The following BLTP1 variants were observed in gnomAD, a reference collection of about 807,000 sequenced individuals.
BLTP1 encodes the protein bridge-like lipid transfer protein family member 1, also known as fragile site-associated protein.
chr4:122,337,497 CT>C, the BLTP1 span, among the ~76,000 whole-genome samples: 1 of 152,106 alleles, frequency 6.6e-6, no homozygotes, highest in Non-Finnish European at 1.5e-5. Flanking sequence ...ATGTGTATCA[CT>C]TTCGCCCAGC....
the BLTP1 span, among the ~76,000 whole-genome samples, chr4:122,218,617 A>G: frequency 1.3e-5 from 2 of 152,244 alleles, no homozygotes; most frequent in African/African-American, 2.4e-5. Context: ...TATGCTGACA[A>G]TGTTAACAGG....
the BLTP1 span, among the ~76,000 whole-genome samples, chr4:122,285,488 AT>A: frequency 6.6e-6 from 1 of 152,148 alleles, no homozygotes; most frequent in Non-Finnish European, 1.5e-5. Context: ...CAGGGCAGTC[AT>A]GACTCATCTG....
At chr4:122,157,692 C>T in the BLTP1 span, among the ~76,000 whole-genome samples, 1 of 152,064 alleles carries the variant, frequency 6.6e-6, no homozygotes, top group Non-Finnish European at 1.5e-5. Context: ...TCTAGGGGCT[C>T]AACTGGGGCT....
the BLTP1 span, chr4:122,224,494 T>A: frequency 3.7e-6 from 6 of 1,609,098 alleles, no homozygotes; most frequent in Non-Finnish European, 5.1e-6. Context: ...ATTATTGTTT[T>A]CAGCAGCGAC....
chr4:122,348,517 T>C, the BLTP1 span: 8 of 1,480,190 alleles, frequency 5.4e-6, no homozygotes, highest in East Asian at 2.4e-5. Context: ...GCTTTGTAAC[T>C]AGCTTGGCAT....
the BLTP1 span, chr4:122,351,243 T>C: frequency 3.3e-6 from 3 of 910,390 alleles, no homozygotes; most frequent in Non-Finnish European, 3.9e-6. Context: ...TACGTATACA[T>C]TGAAAAAAAC....
the BLTP1 span, chr4:122,277,826 A>G: frequency 1.5e-6 from 1 of 675,434 alleles, no homozygotes; most frequent in Non-Finnish European, 1.8e-6. Context: ...TTCTTTTCAT[A>G]TTTAATGTCT....
the BLTP1 span, chr4:122,289,844 G>C: frequency 5.6e-5 from 53 of 953,976 alleles, no homozygotes; most frequent in South Asian, 2.4e-3. Context: ...GAAGTATCTA[G>C]GTATTCACTT....
the BLTP1 span, chr4:122,289,317 A>G: frequency 1.2e-6 from 1 of 815,962 alleles, no homozygotes; most frequent in Non-Finnish European, 1.8e-6. Context: ...AATAACTCCT[A>G]AGAAACTGTG....
the BLTP1 span, chr4:122,207,909 C>T: frequency 3.0e-6 from 3 of 983,938 alleles, no homozygotes; most frequent in African/African-American, 5.2e-5. Context: ...TGTATGTTAG[C>T]CCTTCTAGCT....
chr4:122,307,897 A>T, the BLTP1 span: 6 of 1,584,192 alleles, frequency 3.8e-6, no homozygotes, highest in South Asian at 7.1e-5. Context: ...TAACATATAG[A>T]TTTACAGTGT....
chr4:122,233,782 A>T, the BLTP1 span, among the ~76,000 whole-genome samples: 2 of 152,146 alleles, frequency 1.3e-5, no homozygotes, highest in African/African-American at 4.8e-5. Context: ...TGTTTACCTC[A>T]TAACACTTAA....
At chr4:122,313,173 A>G in the BLTP1 span, among the ~76,000 whole-genome samples, 14 of 152,166 alleles carry the variant, frequency 9.2e-5, no homozygotes, top group Non-Finnish European at 1.6e-4. Flanking sequence ...AAGAGAAGGT[A>G]AGACTGATGA....
chr4:122,255,292 C>G, the BLTP1 span: 5 of 1,564,888 alleles, frequency 3.2e-6, no homozygotes, highest in African/African-American at 6.8e-5. Context: ...TGGTAAGTTA[C>G]TGAAACTACA....
the BLTP1 span, chr4:122,219,192 C>T: frequency 7.0e-7 from 1 of 1,429,900 alleles, no homozygotes; most frequent in South Asian, 1.5e-5. Context: ...CATATGTTTT[C>T]TTTTGTATTT....
the BLTP1 span, among the ~76,000 whole-genome samples, chr4:122,324,832 G>A: frequency 6.6e-6 from 1 of 151,856 alleles, no homozygotes; most frequent in African/African-American, 2.4e-5. Context: ...AGTTTTATGC[G>A]TAAACTTATA....
chr4:122,184,880 CT>C, the BLTP1 span: 1 of 984,384 alleles, frequency 1.0e-6, no homozygotes, highest in African/African-American at 1.7e-5. Flanking sequence ...TGTTGGAATA[CT>C]TTTTCCAGAC....
chr4:122,277,766 T>A, the BLTP1 span: 1 of 968,252 alleles, frequency 1.0e-6, no homozygotes, highest in Non-Finnish European at 1.2e-6. Flanking sequence ...ATTGTTATTC[T>A]AATTTCTTTG....
the BLTP1 span, chr4:122,359,625 A>C: frequency 3.1e-6 from 5 of 1,612,898 alleles, no homozygotes; most frequent in Non-Finnish European, 4.2e-6. Context: ...ACATGACGAC[A>C]ATTCCTCTGA....
Sources: gnomAD v4.1 joint callset for allele counts (sites outside exome capture counted in the v4.1 genomes callset) on GRCh38, gnomAD v4.1.1 for gene constraint, MANE v1.5 for transcripts, NCBI Gene and HGNC (gene_info 2026-07-23, HGNC 2026-07-21) for gene names.